The following FBLN7 variants were observed in gnomAD, a reference collection of about 807,000 sequenced individuals.
The protein encoded by FBLN7 is fibulin 7.
In FBLN7, 31 loss-of-function variants were observed where a neutral mutation model predicts 44.0. The observed-to-expected ratio is 0.70, with a 90% CI of 0.53 to 0.95. FBLN7 has a LOEUF of 0.95. FBLN7 is among the 40% of genes least tolerant of loss of function. FBLN7 has a pLI of 0.00. For synonymous variants in FBLN7, 262 were observed against 253.4 expected, an observed-to-expected ratio of 1.03 and a Z score of -0.32; for missense variants, 573 against 618.5, an observed-to-expected ratio of 0.93 and a Z score of 0.78.
chr2:112,186,405 C>T (rs560375397), intron 7 of FBLN7, among the ~76,000 whole-genome samples: 40 of 152,180 alleles, frequency 2.6e-4, no homozygotes, highest in African/African-American at 7.2e-4. Context: ...TCTGGGAGGC[C>T]GAGGAGGGCG....
At chr2:112,224,429 C>G in the FBLN7 span, among the ~76,000 whole-genome samples, 2 of 152,104 alleles carry the variant, frequency 1.3e-5, no homozygotes, top group Non-Finnish European at 2.9e-5. Context: ...GAGTTTCTAC[C>G]AGAAAATTGC....
the FBLN7 span, among the ~76,000 whole-genome samples, chr2:112,237,514 C>A: frequency 6.6e-6 from 1 of 152,034 alleles, no homozygotes; most frequent in East Asian, 1.9e-4. Context: ...AACTCCTGGG[C>A]TCAAGCAATA....
At chr2:112,199,961 A>C in the FBLN7 span, among the ~76,000 whole-genome samples, 1 of 152,158 alleles carries the variant, frequency 6.6e-6, no homozygotes, top group African/African-American at 2.4e-5. Flanking sequence ...ATGCTCTTGA[A>C]CTTCCCAGCC....
the FBLN7 span, among the ~76,000 whole-genome samples, chr2:112,210,210 A>C: frequency 2.6e-5 from 4 of 152,084 alleles, no homozygotes; most frequent in African/African-American, 9.7e-5. Context: ...CCTGAAGCCC[A>C]GAAGAGTATC....
At chr2:112,156,617 G>T (rs565380242) in intron 1 of FBLN7, among the ~76,000 whole-genome samples, 3 of 152,324 alleles carry the variant, frequency 2.0e-5, no homozygotes, top group African/African-American at 7.2e-5. Flanking sequence ...GCAGGAGGTC[G>T]CTCCTGAGTG....
the FBLN7 span, among the ~76,000 whole-genome samples, chr2:112,222,266 G>C: frequency 6.6e-6 from 1 of 152,146 alleles, no homozygotes; most frequent in Non-Finnish European, 1.5e-5. Context: ...CTAATCTGTT[G>C]TTGTCTGTTT....
At chr2:112,234,261 T>G in the FBLN7 span, 1 of 1,470,322 alleles carries the variant, frequency 6.8e-7, no homozygotes, top group Non-Finnish European at 9.3e-7. Flanking sequence ...ACAAAAAAAC[T>G]AAATGTAAGA....
At chr2:112,198,699 T>C in the FBLN7 span, among the ~76,000 whole-genome samples, 1 of 152,084 alleles carries the variant, frequency 6.6e-6, no homozygotes, top group African/African-American at 2.4e-5. Context: ...CCTTTCATCA[T>C]GTGAGGACAC....
chr2:112,242,665 A>AGTAGTG, the FBLN7 span, among the ~76,000 whole-genome samples: 1 of 152,264 alleles, frequency 6.6e-6, no homozygotes, highest in Non-Finnish European at 1.5e-5. Context: ...ATGTAACAAT[A>AGTAGTG]CTACAGTAGT....
intron 2 of FBLN7, among the ~76,000 whole-genome samples, chr2:112,160,044 G>C (rs1355251802): frequency 6.6e-6 from 1 of 152,008 alleles, no homozygotes; most frequent in Non-Finnish European, 1.5e-5. Context: ...AGGCTGGAGT[G>C]CAGTGGCGCG....
Position 112,187,331 on chromosome 2 carries a change from GCCA to G in FBLN7, c.1147_1149del (p.His383del). 1 of 1,614,150 alleles carries G rather than the reference GCCA, an allele frequency of 6.2e-7. No homozygotes were observed. Among genetic ancestry groups the G allele is most frequent in the Non-Finnish European group, 8.5e-7 (1 of 1,180,042 alleles). On this transcript the variant is annotated inframe_deletion, in exon 8 of 8. Coordinates refer to ENST00000331203, the MANE Select transcript of FBLN7 (RefSeq NM_153214.3). The surrounding 1 kb of genome is among the most constrained non-coding windows in gnomAD (Gnocchi z 5.1). Reference sequence around the variant, plus strand: ...GGGATCGTGGGTGGGAACAGCCGCGGCCACTTTGTGATGCAGCGTTCAGACCGG... The same window carrying G: ...GGGATCGTGGGTGGGAACAGCCGCGGCTTTGTGATGCAGCGTTCAGACCGG...
At chr2:112,226,735 C>G in the FBLN7 span, among the ~76,000 whole-genome samples, 1 of 151,956 alleles carries the variant, frequency 6.6e-6, no homozygotes, top group African/African-American at 2.4e-5. Flanking sequence ...TACCTTGATA[C>G]GAAAGCCAGA....
At chr2:112,156,050 G>A (rs1321422049) in intron 1 of FBLN7, among the ~76,000 whole-genome samples, 1 of 152,210 alleles carries the variant, frequency 6.6e-6, no homozygotes, top group Admixed American at 6.5e-5. Context: ...GGAGGCAGCT[G>A]TTCGCCTGGC....
chr2:112,201,829 GGTTTAC>G, the FBLN7 span, among the ~76,000 whole-genome samples: 2 of 152,164 alleles, frequency 1.3e-5, no homozygotes, highest in Admixed American at 6.5e-5. Flanking sequence ...GTTGATTCCA[GGTTTAC>G]CTAACTGAGT....
the FBLN7 span, among the ~76,000 whole-genome samples, chr2:112,206,994 A>G: frequency 7.2e-5 from 11 of 152,178 alleles, no homozygotes; most frequent in African/African-American, 2.7e-4. Flanking sequence ...TGGCCTCCCA[A>G]GGTCCTGGGA....
chr2:112,154,221 T>C (rs2104552162), intron 1 of FBLN7, among the ~76,000 whole-genome samples: 1 of 152,352 alleles, frequency 6.6e-6, no homozygotes, highest in Middle Eastern at 3.4e-3. Flanking sequence ...AAGTTATTAA[T>C]TCAAAGAAAT....
chr2:112,175,529 A>G (rs1682696519), intron 3 of FBLN7, among the ~76,000 whole-genome samples, 185 bp from the exon 4 acceptor site: 1 of 152,226 alleles, frequency 6.6e-6, no homozygotes, highest in African/African-American at 2.4e-5. Flanking sequence ...AGGGCTGCAT[A>G]TCAGCCCCAT....
intron 2 of FBLN7, among the ~76,000 whole-genome samples, chr2:112,160,850 A>T (rs1042836107): frequency 1.4e-4 from 6 of 42,172 alleles, no homozygotes; most frequent in Non-Finnish European, 3.1e-4. Context: ...GCACACGCGC[A>T]CACACACACA....
In FBLN7 at chr2:112,187,011, A is replaced by T; in HGVS notation, c.948-123A>T. On this transcript the variant is annotated intron_variant, in intron 7 of 7. Coordinates refer to ENST00000331203, the MANE Select transcript of FBLN7 (RefSeq NM_153214.3). The surrounding 1 kb of genome is among the most constrained non-coding windows in gnomAD (Gnocchi z 5.1). ...CAGCTCCATAGCTCCTGGGTGAAGGACCCGTGGCTGGGAAAGGTCATCTAG... is the reference window on the plus strand; with the variant it reads ...CAGCTCCATAGCTCCTGGGTGAAGGTCCCGTGGCTGGGAAAGGTCATCTAG... The T allele has an allele frequency of 8.4e-7, 1 of 1,185,572 alleles. No individual in the cohort carries two copies. 73.4% of individuals were successfully genotyped at this position (1,185,572 alleles called of 1,614,324 possible).
Sources: gnomAD v4.1 joint callset for allele counts (sites outside exome capture counted in the v4.1 genomes callset) on GRCh38, gnomAD v4.1.1 for gene constraint, Gnocchi (gnomAD v3.1) non-coding constraint, MANE v1.5 for transcripts, NCBI Gene and HGNC (gene_info 2026-07-23, HGNC 2026-07-21) for gene names.